Variants in MAP3K5 observed in about 807,000 individuals in gnomAD.
The protein encoded by MAP3K5 is mitogen-activated protein kinase kinase kinase 5, also known as ASK-1.
Under a neutral mutation model 158.7 loss-of-function variants are expected in MAP3K5, and 56 were observed. The ratio of observed to expected loss-of-function variants is 0.35; its 90% CI spans 0.28 to 0.44. The LOEUF is 0.44. Ranked by LOEUF, MAP3K5 falls within the 20% of genes least tolerant of loss-of-function variation. The probability of loss-of-function intolerance (pLI) is 1.00; values close to 1 mark genes in which losing one functional copy is unlikely to be tolerated. For synonymous variants in MAP3K5, 579 were observed against 601.7 expected, an observed-to-expected ratio of 0.96 and a Z score of 0.55; for missense variants, 1,294 against 1,674.8, an observed-to-expected ratio of 0.77 and a Z score of 3.97.
At chr6:136,607,297 T>A (rs999874244) in intron 18 of MAP3K5, among the ~76,000 whole-genome samples, 5 of 152,242 alleles carry the variant, frequency 3.3e-5, no homozygotes, top group Admixed American at 6.5e-5. Flanking sequence ...TGGAAATTTT[T>A]AATTTTTAAA....
rs939495978 is a variant in MAP3K5, at chr6:136,606,020, A to G, written c.2522-654T>C. ...TTTAAGAGATCAAAGACAGGCCATGAGCCATCCATATAGACACATAATCAG... is the reference window on the plus strand; with the variant it reads ...TTTAAGAGATCAAAGACAGGCCATGGGCCATCCATATAGACACATAATCAG... On this transcript the variant is annotated intron_variant, in intron 18 of 29. Transcript: ENST00000359015. 2.0e-5 allele frequency among the ~76,000 whole-genome samples: 3 copies of G among 152,216 alleles called. No homozygotes were observed. In the South Asian group the frequency reaches 6.2e-4, roughly 32 times the overall value.
intron 1 of MAP3K5, 93 bp from the exon 2 acceptor site, chr6:136,720,682 G>A: frequency 6.9e-6 from 6 of 867,776 alleles, no homozygotes; most frequent in East Asian, 2.9e-5. Flanking sequence ...ATTCAAAAGA[G>A]GAAATAAGGA....
upstream of MAP3K5, among the ~76,000 whole-genome samples, chr6:136,792,711 C>T (rs1785144305): frequency 6.6e-6 from 1 of 152,314 alleles, no homozygotes; most frequent in South Asian, 2.1e-4. This position sits in a 1 kb window ranked among gnomAD's most constrained non-coding sequence, Gnocchi z 5.7. Context: ...AAAGGACCCT[C>T]CTCCCTCTTA....
intron 1 of MAP3K5, among the ~76,000 whole-genome samples, chr6:136,746,594 G>A (rs754918525): frequency 6.6e-6 from 1 of 152,084 alleles, no homozygotes; most frequent in Non-Finnish European, 1.5e-5. Flanking sequence ...AACCATGCAG[G>A]GTTCTAATAC....
intron 25 of MAP3K5, among the ~76,000 whole-genome samples, chr6:136,578,741 T>C (rs1474811634): frequency 6.6e-6 from 1 of 152,074 alleles, no homozygotes; most frequent in Non-Finnish European, 1.5e-5. Flanking sequence ...ATGTTTGACA[T>C]AAAGATTGAC....
At chr6:136,567,215 C>T (rs906507536) in intron 26 of MAP3K5, among the ~76,000 whole-genome samples, 2 of 152,166 alleles carry the variant, frequency 1.3e-5, no homozygotes, top group Non-Finnish European at 2.9e-5. Context: ...ATCTTTAGCA[C>T]CATTAATTAG....
intron 19 of MAP3K5, among the ~76,000 whole-genome samples, chr6:136,603,388 G>C (rs1356865572): frequency 4.7e-5 from 7 of 150,536 alleles, no homozygotes; most frequent in African/African-American, 1.7e-4. Flanking sequence ...ATGTTGGCCA[G>C]GCTGGTCTTG....
At chr6:136,591,589 T>C (rs1775388669) in intron 23 of MAP3K5, among the ~76,000 whole-genome samples, 1 of 152,278 alleles carries the variant, frequency 6.6e-6, no homozygotes, top group Non-Finnish European at 1.5e-5. Flanking sequence ...CTCTTGTTTA[T>C]GTCAATTAGT....
chr6:136,687,997 T>C (rs944435084), intron 7 of MAP3K5, among the ~76,000 whole-genome samples: 7 of 152,164 alleles, frequency 4.6e-5, no homozygotes. Flanking sequence ...CTGTTCATAA[T>C]AGCAAAGACT....
At chr6:136,792,990 G>GT, upstream of MAP3K5, among the ~76,000 whole-genome samples, 1 of 152,178 alleles carries the variant, frequency 6.6e-6, no homozygotes, top group Non-Finnish European at 1.5e-5. The surrounding 1 kb of genome is among the most constrained non-coding windows in gnomAD (Gnocchi z 5.7). Flanking sequence ...AGTGCTGCGC[G>GT]TGGCATAGGG....
At chr6:136,734,062 A>G (rs1782344048) in intron 1 of MAP3K5, among the ~76,000 whole-genome samples, 1 of 152,104 alleles carries the variant, frequency 6.6e-6, no homozygotes, top group Admixed American at 6.5e-5. Flanking sequence ...TATATAAGAA[A>G]TGTATAAGTC....
At chr6:136,782,285 A>T (rs1037396411) in intron 1 of MAP3K5, among the ~76,000 whole-genome samples, 5 of 129,210 alleles carry the variant, frequency 3.9e-5, no homozygotes, top group Non-Finnish European at 6.4e-5. Context: ...ATCTCAAAAT[A>T]AAAAAAAAAA....
chr6:136,557,611 CTGT>C lies in MAP3K5; in HGVS notation c.*144_*146del. The C allele has an allele frequency of 1.8e-6, 1 of 564,144 alleles. No individual in the cohort carries two copies. Among genetic ancestry groups the C allele is most frequent in the Non-Finnish European group, 3.1e-6 (1 of 319,890 alleles). The allele number at this position is 564,144 out of a possible 1,614,324, so 34.9% of individuals were successfully genotyped here. On this transcript the variant is annotated 3_prime_UTR_variant, in exon 30 of 30. Transcript: ENST00000359015. ...GTTAGGAAATTTCAGTGTGTTTTGT[CTGT>C]TTTTTTTTTTTTTAACATGAGTAAA...
intron 7 of MAP3K5, among the ~76,000 whole-genome samples, chr6:136,671,923 G>A (rs182500971): frequency 5.9e-5 from 9 of 151,952 alleles, no homozygotes; most frequent in African/African-American, 9.7e-5. Context: ...ACTGCACTCG[G>A]CCAACTATAG....
chr6:136,564,742 C>A (rs552945457), intron 26 of MAP3K5, among the ~76,000 whole-genome samples: 2 of 152,164 alleles, frequency 1.3e-5, no homozygotes, highest in Non-Finnish European at 2.9e-5. Flanking sequence ...TCCGTACTTG[C>A]ATATTTGAGT....
intron 23 of MAP3K5, among the ~76,000 whole-genome samples, chr6:136,591,526 A>T (rs913844959): frequency 6.6e-6 from 1 of 152,204 alleles, no homozygotes; most frequent in Non-Finnish European, 1.5e-5. Context: ...TTTAGTCTTT[A>T]TTTAGGAGTT....
chr6:136,589,932 T>C (rs375161425), intron 23 of MAP3K5, among the ~76,000 whole-genome samples: 43 of 152,216 alleles, frequency 2.8e-4, no homozygotes, highest in African/African-American at 9.7e-4. Flanking sequence ...GGATGTGATT[T>C]GTCCTGTCAA....
In MAP3K5 at chr6:136,640,379, G is replaced by C. The variant is rs115254190; in HGVS notation, c.1839-741C>G. Among the ~76,000 whole-genome samples the C allele has an allele frequency of 6.3e-3, 966 of 152,336 alleles. 9 individuals carry two copies. Among genetic ancestry groups the C allele is most frequent in the African/African-American group, 0.022 (927 of 41,576 alleles). The stretch of plus-strand genomic sequence containing the variant: ...TATTTACAGGACAGGTGAAGGACCA[G>C]ATGTAGTCCAGGGGGCACAGTTTGT... On this transcript the variant is annotated intron_variant, in intron 12 of 29. Transcript: ENST00000359015.
intron 1 of MAP3K5, among the ~76,000 whole-genome samples, chr6:136,776,371 A>G (rs909432010): frequency 2.0e-4 from 31 of 152,130 alleles, no homozygotes; most frequent in Admixed American, 1.5e-3. Flanking sequence ...CAGCCTCCTG[A>G]GTAGCTGGGA....
Sources: allele counts gnomAD v4.1 joint callset (sites outside exome capture counted in the v4.1 genomes callset), GRCh38; gene constraint gnomAD v4.1.1; non-coding constraint Gnocchi (gnomAD v3.1); transcripts MANE v1.5; gene names NCBI Gene and HGNC (gene_info 2026-07-23, HGNC 2026-07-21).